POU6F2: variants seen among roughly 807,000 people sequenced by gnomAD.
POU6F2 encodes POU domain, class 6, transcription factor 2.
A neutral mutation model predicts 71.3 loss-of-function variants in POU6F2; 31 were observed. The observed-to-expected ratio is 0.43, with a 90% CI of 0.33 to 0.59. The LOEUF is 0.59. Among genes scored for constraint, POU6F2 ranks in the 20% least tolerant of loss-of-function variants. The pLI is 0.04. For synonymous variants in POU6F2, 347 were observed against 355.7 expected (o/e 0.98, Z 0.27); for missense variants, 783 against 856.8 (o/e 0.91, Z 1.07).
chr7:38,981,415 G>C (rs1788312595), intron 1 of POU6F2, among the ~76,000 whole-genome samples: 1 of 152,134 alleles, frequency 6.6e-6, no homozygotes, highest in Non-Finnish European at 1.5e-5. Flanking sequence ...AGAGGACTTA[G>C]GCAGCCCACC....
intron 4 of POU6F2, among the ~76,000 whole-genome samples, chr7:39,212,838 A>T (rs1010863655): frequency 6.6e-6 from 1 of 152,248 alleles, no homozygotes; most frequent in Non-Finnish European, 1.5e-5. Context: ...TTGTTAGTTG[A>T]TGTAGCAAAA....
chr7:39,135,576 G>A (rs898649953), intron 2 of POU6F2, among the ~76,000 whole-genome samples: 9 of 151,682 alleles, frequency 5.9e-5, no homozygotes, highest in South Asian at 2.1e-4. Flanking sequence ...TGTTTATCTC[G>A]GTGGATATTC....
At chr7:39,270,925 G>T (rs1321853099) in intron 4 of POU6F2, among the ~76,000 whole-genome samples, 1 of 152,056 alleles carries the variant, frequency 6.6e-6, no homozygotes, top group Non-Finnish European at 1.5e-5. Flanking sequence ...TGTTCTACAA[G>T]ACCCCTTCCG....
intron 1 of POU6F2, among the ~76,000 whole-genome samples, chr7:39,017,944 C>A (rs572490114): frequency 6.6e-6 from 1 of 151,646 alleles, no homozygotes; most frequent in South Asian, 2.1e-4. Flanking sequence ...AATTTGTATT[C>A]TTTTCCTATT....
chr7:39,402,676 G>A lies in POU6F2; in HGVS notation c.973-3924G>A, dbSNP rs180727181. Among the ~76,000 whole-genome samples, 170 of 152,244 alleles carry A rather than the reference G, an allele frequency of 1.1e-3. 1 individual carries two copies. Among genetic ancestry groups the A allele is most frequent in the Non-Finnish European group, 2.0e-3 (138 of 68,020 alleles). On this transcript the variant is annotated intron_variant, in intron 5 of 9. Coordinates refer to ENST00000518318, the MANE Select transcript of POU6F2 (RefSeq NM_001370959.1). ...TGAGCTAATCCCATCAAATAGGACA[G>A]GCCCAAGACAAGCAGATGAAGCCCT...
intron 5 of POU6F2, among the ~76,000 whole-genome samples, chr7:39,392,335 G>C (rs1297293507): frequency 6.6e-6 from 1 of 152,176 alleles, no homozygotes; most frequent in Non-Finnish European, 1.5e-5. Flanking sequence ...GCAGGTCTAG[G>C]GTAGATGCTG....
At chr7:39,242,257 T>C (rs976158328) in intron 4 of POU6F2, among the ~76,000 whole-genome samples, 2 of 152,146 alleles carry the variant, frequency 1.3e-5, no homozygotes, top group African/African-American at 4.8e-5. Context: ...ATATGGTAAG[T>C]GTGTGTTAAC....
chr7:39,405,819 CG>C (rs1787412669), intron 5 of POU6F2, among the ~76,000 whole-genome samples: 1 of 152,180 alleles, frequency 6.6e-6, no homozygotes, highest in Non-Finnish European at 1.5e-5. Context: ...ACCTCCTCCC[CG>C]GCAGGTCTCT....
chr7:39,404,459 ATTTTC>A (rs1787376597), intron 5 of POU6F2: 1 of 152,172 alleles, frequency 6.6e-6, no homozygotes, highest in African/African-American at 2.4e-5. Context: ...AATAAAAAAT[ATTTTC>A]TTTTCATTAA....
intron 5 of POU6F2, among the ~76,000 whole-genome samples, chr7:39,405,302 A>G (rs1319239506): frequency 6.6e-6 from 1 of 152,244 alleles, no homozygotes; most frequent in East Asian, 1.9e-4. Flanking sequence ...AAAGAAATTA[A>G]GAAATAAAAT....
At chr7:39,076,520 T>G (rs576030099) in intron 1 of POU6F2, among the ~76,000 whole-genome samples, 2 of 151,672 alleles carry the variant, frequency 1.3e-5, no homozygotes, top group East Asian at 3.9e-4. Flanking sequence ...TAAAAATAAA[T>G]TATATTTTTA....
chr7:39,112,098 C>G (rs1018568656), intron 2 of POU6F2, among the ~76,000 whole-genome samples: 19 of 152,040 alleles, frequency 1.2e-4, no homozygotes, highest in African/African-American at 3.9e-4. Flanking sequence ...CTGTTCTTAC[C>G]CTTCCAGTTC....
At chr7:39,227,572 T>TTTTTTTG (rs1794491716) in intron 4 of POU6F2, among the ~76,000 whole-genome samples, 1 of 149,378 alleles carries the variant, frequency 6.7e-6, no homozygotes. Context: ...TTTTTTTTTT[T>TTTTTTTG]GAGACGGAGT....
intron 4 of POU6F2, among the ~76,000 whole-genome samples, chr7:39,224,775 C>T (rs1794431128): frequency 6.6e-6 from 1 of 152,240 alleles, no homozygotes; most frequent in South Asian, 2.1e-4. Flanking sequence ...CACATTCATT[C>T]ACACAGTGGG....
intron 4 of POU6F2, among the ~76,000 whole-genome samples, chr7:39,309,811 T>C (rs1350528233): frequency 6.6e-6 from 1 of 152,174 alleles, no homozygotes; most frequent in Non-Finnish European, 1.5e-5. Context: ...CTATAGCTCC[T>C]CCAGAAGGCA....
intron 4 of POU6F2, among the ~76,000 whole-genome samples, chr7:39,261,089 A>ACC (rs918884372): frequency 3.0e-5 from 4 of 133,656 alleles, no homozygotes; most frequent in African/African-American, 5.7e-5. Context: ...ACACACACAC[A>ACC]CACCCCACGC....
chr7:39,251,296 T>G (rs1562763515), intron 4 of POU6F2, among the ~76,000 whole-genome samples: 1 of 152,196 alleles, frequency 6.6e-6, no homozygotes, highest in South Asian at 2.1e-4. Context: ...ATTATTCTTT[T>G]TATTTCCAGT....
intron 9 of POU6F2, among the ~76,000 whole-genome samples, chr7:39,463,759 C>A (rs1442475000): frequency 6.6e-6 from 1 of 152,190 alleles, no homozygotes; most frequent in Non-Finnish European, 1.5e-5. Flanking sequence ...CGTAAAGAAT[C>A]ATTTTAAATG....
intron 2 of POU6F2, among the ~76,000 whole-genome samples, chr7:39,088,626 C>T (rs1411227299): frequency 2.6e-5 from 4 of 152,138 alleles, no homozygotes; most frequent in East Asian, 1.9e-4. Flanking sequence ...TCTATATATA[C>T]ACCGTATTAT....
Sources: allele counts gnomAD v4.1 joint callset (sites outside exome capture counted in the v4.1 genomes callset), GRCh38; gene constraint gnomAD v4.1.1; transcripts MANE v1.5; gene names NCBI Gene and HGNC (gene_info 2026-07-23, HGNC 2026-07-21).